The following TBL1XR1 variants were observed in gnomAD, a reference collection of about 807,000 sequenced individuals.
TBL1XR1 encodes F-box-like/WD repeat-containing protein TBL1XR1.
Under a neutral mutation model 66.9 loss-of-function variants are expected in TBL1XR1, and 5 were observed. The ratio of observed to expected loss-of-function variants is 0.07; its 90% confidence interval spans 0.04 to 0.16. The LOEUF (loss-of-function observed/expected upper bound fraction) is 0.16. Ranked by LOEUF, TBL1XR1 falls within the 10% of genes least tolerant of loss-of-function variation. The pLI is 1.00. For missense variants in TBL1XR1, 238 were observed against 623.2 expected (o/e 0.38, Z 6.58); for synonymous variants, 210 against 206.0 (o/e 1.02, Z -0.17).
rs569390554 is a variant in TBL1XR1 at position 177,041,755 on chromosome 3, G to A, written c.926-3321C>T. ...GGAGGGCTATTGTAAGTTATGTCCC[G>A]GGTTCCTGTGCCTAGTGGTTTCCAG... On this transcript the variant is annotated intron_variant, in intron 10 of 15. Transcript: ENST00000457928. Among the ~76,000 whole-genome samples, 422 of 152,212 alleles carry A rather than the reference G, an allele frequency of 2.8e-3. 2 individuals are homozygous for A. Among genetic ancestry groups the A allele is most frequent in the African/African-American group, 9.8e-3 (406 of 41,534 alleles).
intron 1 of TBL1XR1, among the ~76,000 whole-genome samples, chr3:177,157,584 T>C (rs1406259458): frequency 1.3e-5 from 2 of 152,354 alleles, no homozygotes; most frequent in South Asian, 2.1e-4. Flanking sequence ...ATCAAGGCTC[T>C]TAATCACATG....
At chr3:177,064,862 G>T (rs1341631008) in intron 3 of TBL1XR1, 58 bp downstream of exon 3, 3 of 1,168,996 alleles carry the variant, frequency 2.6e-6, no homozygotes, top group East Asian at 5.3e-5. Flanking sequence ...ATGCATAAAA[G>T]ATTATTTTGA....
At chr3:177,108,308 A>T (rs967946596) in intron 1 of TBL1XR1, among the ~76,000 whole-genome samples, 1 of 152,326 alleles carries the variant, frequency 6.6e-6, no homozygotes, top group Admixed American at 6.5e-5. Flanking sequence ...ATAATAATGA[A>T]GTTCATTAAG....
intron 2 of TBL1XR1, among the ~76,000 whole-genome samples, chr3:177,071,323 T>C (rs1355414287): frequency 6.6e-6 from 1 of 152,066 alleles, no homozygotes; most frequent in Admixed American, 6.5e-5. Context: ...ACTCAAATAT[T>C]ATAGGAAGAA....
chr3:177,046,517 A>C (rs1169775271), intron 9 of TBL1XR1, among the ~76,000 whole-genome samples: 1 of 152,194 alleles, frequency 6.6e-6, no homozygotes, highest in Non-Finnish European at 1.5e-5. Context: ...ATAGATGTTT[A>C]GTAAGAGAGA....
intron 1 of TBL1XR1, among the ~76,000 whole-genome samples, chr3:177,138,147 A>G (rs890359263): frequency 1.3e-5 from 2 of 152,232 alleles, no homozygotes; most frequent in Non-Finnish European, 2.9e-5. Context: ...TATACTAATC[A>G]CAACTACAAG....
At chr3:177,129,582 C>T (rs2108780897) in intron 1 of TBL1XR1, among the ~76,000 whole-genome samples, 1 of 152,070 alleles carries the variant, frequency 6.6e-6, no homozygotes, top group East Asian at 1.9e-4. Context: ...TTTCCAGAGG[C>T]TGGGGATAGA....
intron 2 of TBL1XR1, among the ~76,000 whole-genome samples, chr3:177,088,362 C>T (rs564669158): frequency 1.1e-3 from 160 of 152,138 alleles, no homozygotes; most frequent in Non-Finnish European, 5.7e-4. Context: ...ATAAAACTGC[C>T]CTCAGGCTAT....
intron 1 of TBL1XR1, among the ~76,000 whole-genome samples, chr3:177,127,912 C>T (rs932792744): frequency 2.0e-5 from 3 of 152,098 alleles, no homozygotes; most frequent in Admixed American, 6.6e-5. Flanking sequence ...CAGTTATCAA[C>T]GTATAATCAA....
intron 1 of TBL1XR1, among the ~76,000 whole-genome samples, chr3:177,099,881 T>C (rs1723974744): frequency 6.6e-6 from 1 of 152,278 alleles, no homozygotes; most frequent in Non-Finnish European, 1.5e-5. Flanking sequence ...CAAAACTTTT[T>C]GGCATACATG....
intron 3 of TBL1XR1, among the ~76,000 whole-genome samples, chr3:177,062,731 A>G (rs930359081): frequency 1.3e-5 from 2 of 152,214 alleles, no homozygotes; most frequent in African/African-American, 2.4e-5. Flanking sequence ...AGAACTTGAT[A>G]TATCAGTCTA....
intron 1 of TBL1XR1, among the ~76,000 whole-genome samples, chr3:177,151,154 G>C (rs1577320308): frequency 6.6e-6 from 1 of 152,186 alleles, no homozygotes; most frequent in African/African-American, 2.4e-5. Flanking sequence ...GGCCACAGTG[G>C]TATATAAAAG....
chr3:177,033,259 G>A (rs556505650), intron 13 of TBL1XR1, 123 bp from the exon 14 acceptor site: 31 of 634,042 alleles, frequency 4.9e-5, no homozygotes, highest in East Asian at 2.1e-4. Flanking sequence ...GAAGCAGACC[G>A]ACTGGACTGT....
At chr3:177,156,376 G>A (rs1445081511) in intron 1 of TBL1XR1, among the ~76,000 whole-genome samples, 1 of 151,446 alleles carries the variant, frequency 6.6e-6, no homozygotes, top group Admixed American at 6.6e-5. Flanking sequence ...GCGGGCGCCT[G>A]TAATCCCAGC....
intron 7 of TBL1XR1, among the ~76,000 whole-genome samples, chr3:177,049,501 C>T (rs1040404586): frequency 1.8e-4 from 27 of 152,114 alleles, no homozygotes; most frequent in African/African-American, 5.8e-4. Context: ...AAAATTCAGA[C>T]GTTGTCTAGA....
At chr3:177,083,789 T>G (rs996788337) in intron 2 of TBL1XR1, among the ~76,000 whole-genome samples, 2 of 152,056 alleles carry the variant, frequency 1.3e-5, no homozygotes, top group Non-Finnish European at 2.9e-5. Context: ...TTGTTTTTGT[T>G]TTTTTAAAGG....
At chr3:177,111,375 C>A (rs1490286801) in intron 1 of TBL1XR1, among the ~76,000 whole-genome samples, 1 of 151,718 alleles carries the variant, frequency 6.6e-6, no homozygotes, top group East Asian at 1.9e-4. Flanking sequence ...TGGGTTCAAG[C>A]GATTCACCTG....
intron 2 of TBL1XR1, among the ~76,000 whole-genome samples, chr3:177,090,310 T>C (rs925367156): frequency 6.7e-6 from 1 of 150,266 alleles, no homozygotes; most frequent in African/African-American, 2.5e-5. Flanking sequence ...TGAAGTGATA[T>C]AAATGTTTCC....
At chr3:177,105,975 T>C (rs1308312944) in intron 1 of TBL1XR1, among the ~76,000 whole-genome samples, 1 of 152,074 alleles carries the variant, frequency 6.6e-6, no homozygotes, top group Non-Finnish European at 1.5e-5. Context: ...GGGAGAAATA[T>C]GTTAATACTA....
Sources: gnomAD v4.1 joint callset for allele counts (sites outside exome capture counted in the v4.1 genomes callset) on GRCh38, gnomAD v4.1.1 for gene constraint, MANE v1.5 for transcripts, NCBI Gene and HGNC (gene_info 2026-07-23, HGNC 2026-07-21) for gene names.